The following SLC25A38 variants were observed in gnomAD, a reference collection of about 807,000 sequenced individuals.
SLC25A38 encodes the protein mitochondrial glycine transporter.
A neutral mutation model predicts 33.4 loss-of-function variants in SLC25A38; 27 were observed. The observed-to-expected ratio is 0.81, with a 90% CI of 0.60 to 1.11. The LOEUF (loss-of-function observed/expected upper bound fraction) is 1.11, where lower values mean the gene tolerates loss of function less well. SLC25A38 is among the 50% of genes most tolerant of loss of function. The pLI, the probability that SLC25A38 is intolerant of heterozygous loss-of-function variation, is 0.00. For synonymous variants in SLC25A38, 123 were observed against 145.9 expected (o/e 0.84, Z 1.13); for missense variants, 344 against 388.8 (o/e 0.88, Z 0.97).
At position 39,391,570 on chromosome 3, in the gene SLC25A38, G is replaced by A. The variant is rs766698140; in HGVS notation, c.406G>A (p.Val136Ile). ...CATGCTGGGGGTGGGCTCTCGCTCT[G>A]TTGCAGGGGTCTGTATGTCACCTAT... ...SVMLGVGSRS[V>I]AGVCMSPITV... is the part of the protein sequence containing the mutation. The change falls in exon 4 of 7, where the codon GTT becomes ATT. Residue 136 changes from valine (V) to isoleucine (I), a missense_variant. Coordinates refer to ENST00000650617, the MANE Select transcript of SLC25A38 (RefSeq NM_017875.4). 9 of 1,614,206 alleles carry A rather than the reference G, an allele frequency of 5.6e-6. No homozygotes were observed. The South Asian group carries it at 9.9e-5, about 18-fold the overall frequency.
Position 39,384,050 on chromosome 3 carries a change from C to T in SLC25A38, c.69+257C>T, listed in dbSNP as rs111624230. Among the ~76,000 whole-genome samples, 3,483 of 152,266 alleles carry T rather than the reference C, an allele frequency of 0.023. 123 individuals carry two copies. Among genetic ancestry groups the T allele is most frequent in the African/African-American group, 0.078 (3,226 of 41,538 alleles). On this transcript the variant is annotated intron_variant, in intron 1 of 6. Transcript: ENST00000650617. ...CCGGTAAAGGGCGGAATTGCCGGGG[C>T]CTGGACTGGACGCGTGCCGGGGAGT...
intron 5 of SLC25A38, among the ~76,000 whole-genome samples, chr3:39,393,725 C>G (rs1010341625): frequency 2.0e-5 from 3 of 152,130 alleles, no homozygotes; most frequent in Non-Finnish European, 4.4e-5. Flanking sequence ...TCTTGAACTC[C>G]CAGGCTCAAG....
At position 39,389,180 on chromosome 3, in the gene SLC25A38, C is replaced by A. The variant is rs762123735; in HGVS notation, c.70-315C>A. 1.2e-4 allele frequency among the ~76,000 whole-genome samples: 19 copies of A among 152,146 alleles called. No homozygotes were observed. Among genetic ancestry groups the A allele is most frequent in the Non-Finnish European group, 2.1e-4 (14 of 68,028 alleles). ...GCTTTTGCAAAGATAGGGAGATGAC[C>A]AGTAACTTTTTGAGTCAGAACAAAT... On this transcript the variant is annotated intron_variant, in intron 1 of 6. Coordinates refer to ENST00000650617, the MANE Select transcript of SLC25A38 (RefSeq NM_017875.4). The surrounding 1 kb of genome is among the most constrained non-coding windows in gnomAD (Gnocchi z 4.5).
Position 39,391,631 on chromosome 3 carries a change from C to T in SLC25A38, c.456+11C>T, listed in dbSNP as rs1575245500. 7.4e-6 allele frequency: 12 copies of T among 1,614,222 alleles called. No individual in the cohort carries two copies. In the East Asian group the frequency reaches 2.7e-4, roughly 36 times the overall value. On this transcript the variant is annotated intron_variant, in intron 4 of 6. Transcript: ENST00000650617. ...AAGACGCGCTATGAGGTGAGTTCAA[C>T]CACTTTAGGGCCTCAGGATAGTTCG...
At chr3:39,386,519 G>A (rs2041709441) in intron 1 of SLC25A38, among the ~76,000 whole-genome samples, 1 of 152,188 alleles carries the variant, frequency 6.6e-6, no homozygotes, top group African/African-American at 2.4e-5. Context: ...GGTTGGCAGT[G>A]AGCCATGATT....
rs1008949289 is a variant in SLC25A38 at position 39,383,820 on chromosome 3, C to A, written c.69+27C>A. 10 of 1,613,198 alleles carry A rather than the reference C, an allele frequency of 6.2e-6. No individual in the cohort carries two copies. In the Middle Eastern group the frequency reaches 5.0e-4, roughly 80 times the overall value. On this transcript the variant is annotated intron_variant, in intron 1 of 6. Transcript: ENST00000650617. ...TGAGGGCACTGCGGGGAAGGAAGGG[C>A]AGGGGTCCGAACCGCGGGCTCGGGC...
In SLC25A38 at chr3:39,396,224, T is replaced by A. The variant is rs35086961; in HGVS notation, c.793-174T>A. On this transcript the variant is annotated intron_variant, in intron 6 of 6. Coordinates refer to ENST00000650617, the MANE Select transcript of SLC25A38 (RefSeq NM_017875.4). ...GACTCTGCCTCGGAAAAAAAAAAAA[T>A]TTTTTTTAAGTTCTTTGGTTGTCTC... Among the ~76,000 whole-genome samples, 38,105 of 149,834 alleles carry A rather than the reference T, an allele frequency of 0.25. 5,144 individuals are homozygous for A. Among genetic ancestry groups the A allele is most frequent in the Non-Finnish European group, 0.29 (19,380 of 67,150 alleles).
chr3:39,384,463 C>T (rs1559390075), intron 1 of SLC25A38: 2 of 381,776 alleles, frequency 5.2e-6, no homozygotes, highest in African/African-American at 4.2e-5. Flanking sequence ...CTGCAGCTGC[C>T]GCAGCTCTCC....
intron 1 of SLC25A38, among the ~76,000 whole-genome samples, chr3:39,385,218 G>A (rs2041696944): frequency 6.6e-6 from 1 of 152,072 alleles, no homozygotes; most frequent in Non-Finnish European, 1.5e-5. Context: ...TGTTGTTGTT[G>A]TCTTGTTTTT....
Position 39,397,103 on chromosome 3 carries a change from T to C in SLC25A38, c.*583T>C, listed in dbSNP as rs1345701708. ...CTTTCTAGCCTCTGAATGTTCCAAA[T>C]AAAATTTTTTGGTCTTGGCCCCTGT... On this transcript the variant is annotated 3_prime_UTR_variant, in exon 7 of 7. Coordinates refer to ENST00000650617, the MANE Select transcript of SLC25A38 (RefSeq NM_017875.4). The C allele has an allele frequency of 6.1e-6, 1 of 164,796 alleles. No individual in the cohort carries two copies. The highest frequency in any genetic ancestry group is 2.4e-5 in the African/African-American group (1 of 41,648). The allele number at this position is 164,796 out of a possible 1,614,324, so 10.2% of individuals were successfully genotyped here. A position where few individuals can be genotyped will look rare whatever the true frequency, so the allele number is the denominator to read the frequency against.
At chr3:39,388,282 C>CAA (rs1274208358) in intron 1 of SLC25A38, 1 of 152,206 alleles carries the variant, frequency 6.6e-6, no homozygotes, top group African/African-American at 2.4e-5. Context: ...TCAGACCACC[C>CAA]TTTGGTACTT....
intron 1 of SLC25A38, among the ~76,000 whole-genome samples, chr3:39,385,310 A>G (rs1187144542): frequency 1.3e-5 from 2 of 152,164 alleles, no homozygotes; most frequent in African/African-American, 2.4e-5. Flanking sequence ...CAAAGCTAAA[A>G]AAGTTATTGG....
At chr3:39,388,202 G>A (rs996452554) in intron 1 of SLC25A38, among the ~76,000 whole-genome samples, 1 of 152,206 alleles carries the variant, frequency 6.6e-6, no homozygotes, top group Non-Finnish European at 1.5e-5. Context: ...ACCTCTTGGG[G>A]AGAGGGAGTT....
At chr3:39,388,112 G>T (rs906383357) in intron 1 of SLC25A38, among the ~76,000 whole-genome samples, 2 of 152,154 alleles carry the variant, frequency 1.3e-5, no homozygotes, top group African/African-American at 4.8e-5. Flanking sequence ...AAGAAGGGGG[G>T]CTCATTAATG....
At chr3:39,396,103 G>A (rs1416196683) in intron 6 of SLC25A38, among the ~76,000 whole-genome samples, 4 of 151,886 alleles carry the variant, frequency 2.6e-5, no homozygotes, top group Non-Finnish European at 4.4e-5. Flanking sequence ...CCACCTACTC[G>A]GAAGGCTGAG....
chr3:39,390,242 C>T (rs1376029171), intron 2 of SLC25A38, among the ~76,000 whole-genome samples, 181 bp from the exon 3 acceptor site: 1 of 152,188 alleles, frequency 6.6e-6, no homozygotes, highest in Admixed American at 6.5e-5. Context: ...CACCCAGCCT[C>T]TATTGTCTGT....
rs924008159 is a variant in SLC25A38, at chr3:39,389,994, G to A, written c.191+378G>A. Among the ~76,000 whole-genome samples the A allele has an allele frequency of 2.0e-5, 3 of 152,176 alleles. No homozygotes were observed. The highest frequency in any genetic ancestry group is 7.2e-5 in the African/African-American group (3 of 41,432). On this transcript the variant is annotated intron_variant, in intron 2 of 6. Transcript: ENST00000650617. The surrounding 1 kb of genome is among the most constrained non-coding windows in gnomAD (Gnocchi z 4.5). ...CTCGCTCTGTTGCCCAGATTGGAGT[G>A]CAGAGGTGCGATCTCAGCTCACTGC...
chr3:39,395,512 T>C, intron 6 of SLC25A38, among the ~76,000 whole-genome samples: 1 of 152,310 alleles, frequency 6.6e-6, no homozygotes, highest in East Asian at 1.9e-4. Context: ...ATATTCTTGC[T>C]AAAGGTAAAT....
chr3:39,392,142 T>C, intron 5 of SLC25A38, 121 bp downstream of exon 5: 1 of 1,333,790 alleles, frequency 7.5e-7, no homozygotes, highest in Non-Finnish European at 1.1e-6. Context: ...AGCCATATCA[T>C]GATTGTGTCA....
Sources: allele counts gnomAD v4.1 joint callset (sites outside exome capture counted in the v4.1 genomes callset), GRCh38; gene constraint gnomAD v4.1.1; non-coding constraint Gnocchi (gnomAD v3.1); transcripts MANE v1.5; gene names NCBI Gene and HGNC (gene_info 2026-07-23, HGNC 2026-07-21).